The following PIK3CB variants were observed in gnomAD, a reference collection of about 807,000 sequenced individuals.
The protein encoded by PIK3CB is phosphatidylinositol-4,5-bisphosphate 3-kinase catalytic subunit beta, also known as phosphatidylinositol 4,5-bisphosphate 3-kinase catalytic subunit beta isoform.
PIK3CB carries 39 observed loss-of-function variants against 136.8 expected under a neutral mutation model. The ratio of observed to expected loss-of-function variants is 0.29; its 90% CI spans 0.22 to 0.37. The LOEUF is 0.37. Ranked by LOEUF, PIK3CB falls within the 10% of genes least tolerant of loss-of-function variation. The pLI, the probability that PIK3CB is intolerant of heterozygous loss-of-function variation, is 1.00. For missense variants in PIK3CB, 868 were observed against 1,275.4 expected (o/e 0.68, Z 4.87); for synonymous variants, 428 against 436.6 (o/e 0.98, Z 0.25).
intron 8 of PIK3CB, among the ~76,000 whole-genome samples, chr3:138,732,188 A>G (rs2044992011): frequency 6.6e-6 from 1 of 152,188 alleles, no homozygotes; most frequent in Admixed American, 6.5e-5. Context: ...AGGAGCGGTA[A>G]GAGTACCTAA....
At chr3:138,701,885 C>T (rs566309124) in intron 12 of PIK3CB, among the ~76,000 whole-genome samples, 2 of 149,972 alleles carry the variant, frequency 1.3e-5, no homozygotes, top group South Asian at 4.2e-4. Context: ...CCTATTCATA[C>T]TCACATGACA....
chr3:138,759,320 A>C lies in PIK3CB; in HGVS notation c.24T>G (p.Pro8=), dbSNP rs1399883404. 2 of 1,608,996 alleles carry C rather than the reference A, an allele frequency of 1.2e-6. No individual in the cohort carries two copies. Among genetic ancestry groups the C allele is most frequent in the Non-Finnish European group, 1.7e-6 (2 of 1,176,214 alleles). ...TGTCAAGGATGTCTGCCATAGCAGG[A>C]GGCATTATGAAACTGAAGCACATTC... MCFSFIM[P]PAMADILDIW... is the part of the protein sequence containing the mutation. Residue 8 remains proline (P), a synonymous_variant, in exon 3 of 24, where the codon CCT becomes CCG. Transcript: ENST00000674063.
intron 13 of PIK3CB, among the ~76,000 whole-genome samples, chr3:138,695,752 G>A (rs1412346609): frequency 6.6e-6 from 1 of 151,466 alleles, no homozygotes; most frequent in Non-Finnish European, 1.5e-5. Flanking sequence ...TATATAAATT[G>A]TTAACTTTTT....
chr3:138,809,570 C>A (rs1303824838), intron 1 of PIK3CB, among the ~76,000 whole-genome samples: 1 of 137,114 alleles, frequency 7.3e-6, no homozygotes, highest in Admixed American at 8.0e-5. Context: ...TGCACCATTG[C>A]ACTCCAGCCT....
chr3:138,714,706 G>A lies in PIK3CB; in HGVS notation c.1064C>T (p.Ala355Val), dbSNP rs777732888. 4.4e-6 allele frequency: 7 copies of A among 1,603,734 alleles called. No homozygotes were observed. The East Asian group carries it at 1.3e-4, about 31-fold the overall frequency. The change falls in exon 9 of 24, where the codon GCT becomes GTT. Residue 355 changes from alanine (A) to valine (V), a missense_variant. Ala to Val is a moderately conservative substitution (Grantham distance 64, BLOSUM62 0). Coordinates refer to ENST00000674063, the MANE Select transcript of PIK3CB (RefSeq NM_006219.3). ...TEETVKVHVRAGLFHGTELLC... is the reference protein window; with the variant it reads ...TEETVKVHVRVGLFHGTELLC... ...GAGCTCAGTACCATGAAAAAGACCA[G>A]CCCTGACATGAACCTGTAACGAAGC... is the stretch of plus-strand genomic sequence containing the variant.
At position 138,704,497 on chromosome 3, in the gene PIK3CB, T is replaced by C. The variant is rs932569443; in HGVS notation, c.1531-4A>G. The C allele has an allele frequency of 1.9e-6, 3 of 1,593,052 alleles. No individual in the cohort carries two copies. Among genetic ancestry groups the C allele is most frequent in the Non-Finnish European group, 2.6e-6 (3 of 1,161,378 alleles). ...TCTCAGCTGCCTTTTCAATAATCTGTTTAAAAAAATTAAAGAAAATGAATT... is the reference window on the plus strand; with the variant it reads ...TCTCAGCTGCCTTTTCAATAATCTGCTTAAAAAAATTAAAGAAAATGAATT... On this transcript the variant is annotated splice_region_variant and splice_polypyrimidine_tract_variant and intron_variant, in intron 11 of 23. Coordinates refer to ENST00000674063, the MANE Select transcript of PIK3CB (RefSeq NM_006219.3).
intron 21 of PIK3CB, among the ~76,000 whole-genome samples, chr3:138,658,699 T>TA (rs2043233775): frequency 6.6e-6 from 1 of 152,236 alleles, no homozygotes; most frequent in East Asian, 1.9e-4. Flanking sequence ...CATTATGTCA[T>TA]AATTTCTGGT....
chr3:138,655,692 G>A (rs902300742), intron 23 of PIK3CB, among the ~76,000 whole-genome samples, 166 bp from the exon 24 acceptor site: 1 of 152,150 alleles, frequency 6.6e-6, no homozygotes, highest in African/African-American at 2.4e-5. Flanking sequence ...CCCCAAGATA[G>A]GGAGATAATA....
At chr3:138,704,735 A>G (rs1274791674) in intron 11 of PIK3CB, among the ~76,000 whole-genome samples, 1 of 152,190 alleles carries the variant, frequency 6.6e-6, no homozygotes, top group African/African-American at 2.4e-5. Context: ...GTCTGGAGAT[A>G]AAACAAGTAC....
intron 19 of PIK3CB, among the ~76,000 whole-genome samples, chr3:138,666,320 G>A (rs555862656): frequency 1.3e-5 from 2 of 152,088 alleles, no homozygotes; most frequent in Non-Finnish European, 2.9e-5. Context: ...ACAGGTGAGT[G>A]CCACTACGCC....
At chr3:138,706,428 T>C (rs1447965210) in intron 11 of PIK3CB, among the ~76,000 whole-genome samples, 1 of 152,216 alleles carries the variant, frequency 6.6e-6, no homozygotes, top group East Asian at 1.9e-4. Context: ...ATAAAATAAC[T>C]ACATTAGGAA....
Position 138,798,310 on chromosome 3 carries a change from G to A in PIK3CB, c.-121-1743C>T, listed in dbSNP as rs1310783988. Among the ~76,000 whole-genome samples the A allele has an allele frequency of 5.3e-5, 8 of 152,168 alleles. No homozygotes were observed. The East Asian group carries it at 5.8e-4, about 11-fold the overall frequency. ...CTCCCAGGTAGCTGGGACTAGAGACGTGCACCACCACGCCCGGCTAATTTT... is the reference window on the plus strand; with the variant it reads ...CTCCCAGGTAGCTGGGACTAGAGACATGCACCACCACGCCCGGCTAATTTT... On this transcript the variant is annotated intron_variant, in intron 1 of 23. Coordinates refer to ENST00000674063, the MANE Select transcript of PIK3CB (RefSeq NM_006219.3).
At chr3:138,792,724 C>T (rs2046066626) in intron 2 of PIK3CB, among the ~76,000 whole-genome samples, 1 of 152,158 alleles carries the variant, frequency 6.6e-6, no homozygotes, top group Non-Finnish European at 1.5e-5. Flanking sequence ...GAGGATATAT[C>T]AAGGAATTTT....
intron 8 of PIK3CB, among the ~76,000 whole-genome samples, chr3:138,729,605 T>TG (rs975116108): frequency 6.6e-5 from 10 of 151,994 alleles, no homozygotes; most frequent in Non-Finnish European, 1.2e-4. Context: ...TTCCCTGCCT[T>TG]GGGACTCTAA....
chr3:138,737,524 G>A (rs2045137654), intron 6 of PIK3CB, among the ~76,000 whole-genome samples, 183 bp downstream of exon 6: 1 of 150,314 alleles, frequency 6.7e-6, no homozygotes, highest in Admixed American at 6.6e-5. Flanking sequence ...ATGCCAAAAG[G>A]GTAACAATGA....
intron 10 of PIK3CB, among the ~76,000 whole-genome samples, chr3:138,710,823 G>T (rs758737503): frequency 6.6e-6 from 1 of 152,158 alleles, no homozygotes; most frequent in African/African-American, 2.4e-5. Flanking sequence ...GGTGGCTCAC[G>T]CCTGTAATCC....
intron 8 of PIK3CB, among the ~76,000 whole-genome samples, chr3:138,730,368 A>C (rs1029849066): frequency 6.6e-6 from 1 of 152,218 alleles, no homozygotes; most frequent in East Asian, 1.9e-4. Context: ...ACACGAATGA[A>C]GGCTTCTTGG....
chr3:138,736,270 T>C (rs1377938568), intron 6 of PIK3CB, among the ~76,000 whole-genome samples: 1 of 152,134 alleles, frequency 6.6e-6, no homozygotes. Flanking sequence ...TGCACATAAG[T>C]TATAACTGCT....
In PIK3CB at chr3:138,654,074, A is replaced by T. The variant is rs2043154096; in HGVS notation, c.*1315T>A. On this transcript the variant is annotated 3_prime_UTR_variant, in exon 24 of 24. Coordinates refer to ENST00000674063, the MANE Select transcript of PIK3CB (RefSeq NM_006219.3). ...ATTTATTTGACTGAGAACATTAAGA[A>T]GGACAACAAAATTAAACATTCTTTA... 1 of 195,162 alleles carries T rather than the reference A, an allele frequency of 5.1e-6. No individual in the cohort carries two copies. The highest frequency in any genetic ancestry group is 1.1e-5 in the Non-Finnish European group (1 of 93,916). The allele number at this position is 195,162 out of a possible 1,614,324, so 12.1% of individuals were successfully genotyped here.
Sources: allele counts gnomAD v4.1 joint callset (sites outside exome capture counted in the v4.1 genomes callset), GRCh38; gene constraint gnomAD v4.1.1; transcripts MANE v1.5; gene names NCBI Gene and HGNC (gene_info 2026-07-23, HGNC 2026-07-21).